DGKI: variants seen among roughly 807,000 people sequenced by gnomAD.
The protein encoded by DGKI is DAG kinase iota.
DGKI carries 55 observed loss-of-function variants against 147.5 expected under a neutral mutation model. The ratio of observed to expected loss-of-function variants is 0.37; its 90% CI spans 0.30 to 0.47. DGKI has a LOEUF of 0.47. DGKI is among the 20% of genes least tolerant of loss of function. The pLI is 1.00. For synonymous variants in DGKI, 469 were observed against 477.1 expected (o/e 0.98, Z 0.22); for missense variants, 1,007 against 1,323.8 (o/e 0.76, Z 3.71).
intron 12 of DGKI, among the ~76,000 whole-genome samples, chr7:137,589,959 A>C (rs17169321): frequency 0.044 from 6,771 of 152,230 alleles, 238 homozygotes; most frequent in East Asian, 0.15. Context: ...TTCTGGGTAA[A>C]GAAAATGCTA....
At chr7:137,485,677 A>G (rs911060336) in intron 22 of DGKI, among the ~76,000 whole-genome samples, 2 of 152,134 alleles carry the variant, frequency 1.3e-5, no homozygotes, top group African/African-American at 2.4e-5. Flanking sequence ...GTGTTATATT[A>G]TTATTTCAAT....
chr7:137,831,463 G>A (rs1012201741), intron 1 of DGKI, among the ~76,000 whole-genome samples: 16 of 152,134 alleles, frequency 1.1e-4, no homozygotes, highest in Admixed American at 5.2e-4. Flanking sequence ...ATGGTAGCAC[G>A]CAAAGAGAGA....
At chr7:137,397,603 T>TA (rs1271145708) in intron 30 of DGKI, among the ~76,000 whole-genome samples, 190 bp from the exon 31 acceptor site, 1 of 152,126 alleles carries the variant, frequency 6.6e-6, no homozygotes, top group East Asian at 1.9e-4. Context: ...CATGAACCAA[T>TA]ATGTACAGAA....
intron 5 of DGKI, among the ~76,000 whole-genome samples, chr7:137,651,323 G>C (rs991964027): frequency 1.7e-4 from 26 of 152,114 alleles, no homozygotes; most frequent in African/African-American, 5.6e-4. Context: ...CAGTTGGATG[G>C]ATTTGAAATA....
intron 7 of DGKI, among the ~76,000 whole-genome samples, chr7:137,621,434 G>A (rs550403714): frequency 5.9e-5 from 9 of 152,054 alleles, no homozygotes; most frequent in Non-Finnish European, 1.0e-4. Flanking sequence ...TTTAAATGAT[G>A]GAATCAAAAC....
At chr7:137,427,410 G>C (rs932494061) in intron 28 of DGKI, among the ~76,000 whole-genome samples, 6 of 152,194 alleles carry the variant, frequency 3.9e-5, no homozygotes, top group African/African-American at 9.6e-5. Flanking sequence ...AGTGTGTAGA[G>C]GGACATTTAT....
chr7:137,786,033 T>A (rs920202550), intron 1 of DGKI, among the ~76,000 whole-genome samples: 1 of 152,094 alleles, frequency 6.6e-6, no homozygotes, highest in East Asian at 1.9e-4. Flanking sequence ...TGGGGAAAAG[T>A]TGAAAGCATT....
rs1368827945 is a variant in DGKI at position 137,788,655 on chromosome 7, CACACACACAT to C, written c.401+57797_401+57806del. 8.7e-3 allele frequency among the ~76,000 whole-genome samples: 551 copies of C among 63,040 alleles called. 3 individuals are homozygous for C. The highest frequency in any genetic ancestry group is 0.044 in the African/African-American group (507 of 11,424). The allele number at this position is 63,040 out of a possible 152,430, so 41.4% of individuals were successfully genotyped here. A position where few individuals can be genotyped will look rare whatever the true frequency, so the allele number is the denominator to read the frequency against. ...ATAAATACACACACACACACACACA[CACACACACAT>C]ACACACACACACACACCTCCATCCC... On this transcript the variant is annotated intron_variant, in intron 1 of 32. Coordinates refer to ENST00000614521, the MANE Select transcript of DGKI (RefSeq NM_001321708.2).
At chr7:137,728,608 T>A (rs3778805) in intron 1 of DGKI, among the ~76,000 whole-genome samples, 4,412 of 152,130 alleles carry the variant, frequency 0.029, 167 homozygotes, top group East Asian at 0.15. Flanking sequence ...ATCCAGTGGG[T>A]CCATCTGGTC....
chr7:137,556,667 G>A (rs527342570), intron 19 of DGKI, among the ~76,000 whole-genome samples: 4 of 152,162 alleles, frequency 2.6e-5, no homozygotes, highest in South Asian at 2.1e-4. Flanking sequence ...AAGATGTAAG[G>A]GAAGACTTAA....
chr7:137,518,733 T>C (rs980723076), intron 21 of DGKI, among the ~76,000 whole-genome samples: 1 of 152,000 alleles, frequency 6.6e-6, no homozygotes, highest in African/African-American at 2.4e-5. Flanking sequence ...GAGTTAAATT[T>C]GGGGGAATAT....
chr7:137,820,756 C>A (rs1213838688), intron 1 of DGKI, among the ~76,000 whole-genome samples: 2 of 152,032 alleles, frequency 1.3e-5, no homozygotes, highest in Non-Finnish European at 2.9e-5. Flanking sequence ...GTAAAGCCAG[C>A]CAGAAAAGGC....
chr7:137,465,856 A>G, intron 26 of DGKI, 52 bp downstream of exon 26: 1 of 1,584,318 alleles, frequency 6.3e-7, no homozygotes. Context: ...GGCGAACCAG[A>G]CATGGATGTC....
In DGKI at chr7:137,677,120, G is replaced by A. The variant is rs543107225; in HGVS notation, c.606+1437C>T. ...AACAGCTGAGCTTCTCATGGATTTC[G>A]TTAATTCAATCCAATTCCATGCAAT... On this transcript the variant is annotated intron_variant, in intron 3 of 32. Coordinates refer to ENST00000614521, the MANE Select transcript of DGKI (RefSeq NM_001321708.2). 3.7e-4 allele frequency among the ~76,000 whole-genome samples: 56 copies of A among 152,112 alleles called. 1 individual carries two copies. In the South Asian group the frequency reaches 1.0e-2, roughly 27 times the overall value.
intron 27 of DGKI, among the ~76,000 whole-genome samples, chr7:137,458,130 T>A (rs112668509): frequency 2.0e-5 from 3 of 152,212 alleles, no homozygotes; most frequent in African/African-American, 7.2e-5. Context: ...CAATACTGAT[T>A]TGTTCAATAC....
At chr7:137,618,840 G>GA (rs527586634) in intron 8 of DGKI, among the ~76,000 whole-genome samples, 16 of 152,110 alleles carry the variant, frequency 1.1e-4, no homozygotes, top group African/African-American at 3.4e-4. Flanking sequence ...CTTGCCTCTG[G>GA]AAAAAAATAT....
chr7:137,810,437 G>T (rs1797525842), intron 1 of DGKI, among the ~76,000 whole-genome samples: 1 of 152,152 alleles, frequency 6.6e-6, no homozygotes, highest in Admixed American at 6.5e-5. Context: ...TATTATTAGG[G>T]TCTTAAATTT....
chr7:137,385,047 C>A lies in DGKI; in HGVS notation c.*6173G>T, dbSNP rs939824615. Reference sequence around the variant, plus strand: ...GGCAGAATTTTCTTCTGTGGTTATACTAGATTACACTTAACTCTTAGAATA... The same window carrying A: ...GGCAGAATTTTCTTCTGTGGTTATAATAGATTACACTTAACTCTTAGAATA... On this transcript the variant is annotated 3_prime_UTR_variant, in exon 33 of 33. Coordinates refer to ENST00000614521, the MANE Select transcript of DGKI (RefSeq NM_001321708.2). 1.3e-5 allele frequency: 2 copies of A among 152,044 alleles called. No individual in the cohort carries two copies. Among genetic ancestry groups the A allele is most frequent in the Non-Finnish European group, 2.9e-5 (2 of 67,974 alleles). 9.4% of individuals were successfully genotyped at this position (152,044 alleles called of 1,614,324 possible).
intron 2 of DGKI, among the ~76,000 whole-genome samples, chr7:137,679,138 AATT>A (rs1823142034): frequency 6.6e-6 from 1 of 152,210 alleles, no homozygotes; most frequent in African/African-American, 2.4e-5. Context: ...GTAATAGGTA[AATT>A]ATATTTCTAA....
Sources: gnomAD v4.1 joint callset for allele counts (sites outside exome capture counted in the v4.1 genomes callset) on GRCh38, gnomAD v4.1.1 for gene constraint, MANE v1.5 for transcripts, NCBI Gene and HGNC (gene_info 2026-07-23, HGNC 2026-07-21) for gene names.